SUSD3: variants seen among roughly 807,000 people sequenced by gnomAD.
SUSD3 encodes sushi domain containing 3, also known as sushi domain-containing protein 3.
A neutral mutation model predicts 20.6 loss-of-function variants in SUSD3; 18 were observed. The ratio of observed to expected loss-of-function variants is 0.87; its 90% CI spans 0.60 to 1.30. The LOEUF (loss-of-function observed/expected upper bound fraction) is 1.30. Ranked by LOEUF, SUSD3 falls within the 50% of genes most tolerant of loss-of-function variation. SUSD3 has a pLI of 0.00. For synonymous variants in SUSD3, 137 were observed against 141.5 expected (o/e 0.97, Z 0.23); for missense variants, 306 against 346.9 (o/e 0.88, Z 0.94).
At chr9:93,079,403 G>A in intron 3 of SUSD3, 68 bp from the exon 4 acceptor site, 1 of 1,568,848 alleles carries the variant, frequency 6.4e-7, no homozygotes, top group Non-Finnish European at 8.7e-7. Context: ...CCTACATGGA[G>A]CCTGTTTCCA....
intron 1 of SUSD3, among the ~76,000 whole-genome samples, chr9:93,073,936 G>T (rs1020576280): frequency 4.6e-5 from 7 of 152,178 alleles, no homozygotes; most frequent in Non-Finnish European, 8.8e-5. Context: ...ACTGCAAAAA[G>T]TGTGGTAAGA....
At position 93,084,984 on chromosome 9, in the gene SUSD3, A is replaced by C; in HGVS notation, c.*237A>C. 2.5e-6 allele frequency: 1 copy of C among 400,778 alleles called. No homozygotes were observed. The highest frequency in any genetic ancestry group is 4.4e-6 in the Non-Finnish European group (1 of 227,014). The allele number at this position is 400,778 out of a possible 1,614,324, so 24.8% of individuals were successfully genotyped here. On this transcript the variant is annotated 3_prime_UTR_variant, in exon 5 of 5. Coordinates refer to ENST00000375472, the MANE Select transcript of SUSD3 (RefSeq NM_145006.4). ...GCCGTAACGATTTTTATAGTTATGGACTACTTGAAACCACTACTGAGGGTA... is the reference window on the plus strand; with the variant it reads ...GCCGTAACGATTTTTATAGTTATGGCCTACTTGAAACCACTACTGAGGGTA...
chr9:93,074,431 CAAAA>C (rs56872294), intron 1 of SUSD3, among the ~76,000 whole-genome samples: 2,540 of 38,530 alleles, frequency 0.066, 56 homozygotes, highest in African/African-American at 0.2. Flanking sequence ...GACTCTGACT[CAAAA>C]AAAAAAAAAA....
At chr9:93,078,695 A>G (rs1394011289) in intron 3 of SUSD3, among the ~76,000 whole-genome samples, 3 of 152,192 alleles carry the variant, frequency 2.0e-5, no homozygotes, top group African/African-American at 7.2e-5. Context: ...GGTTAACCAC[A>G]GCCCACCAGC....
At chr9:93,072,282 G>T (rs1013529603) in intron 1 of SUSD3, among the ~76,000 whole-genome samples, 2 of 152,190 alleles carry the variant, frequency 1.3e-5, no homozygotes, top group African/African-American at 4.8e-5. Flanking sequence ...GGCCACCCCT[G>T]CCTCTGCACT....
chr9:93,074,498 G>C (rs1826045790), intron 1 of SUSD3, among the ~76,000 whole-genome samples: 1 of 151,014 alleles, frequency 6.6e-6, no homozygotes, highest in Non-Finnish European at 1.5e-5. Flanking sequence ...TTAATGTCTG[G>C]ATGGCCCTGG....
intron 1 of SUSD3, among the ~76,000 whole-genome samples, chr9:93,065,232 C>T (rs1825661151): frequency 6.6e-6 from 1 of 152,224 alleles, no homozygotes. Flanking sequence ...CACGCACCAG[C>T]TTGATTCCAC....
At chr9:93,075,671 C>T in intron 1 of SUSD3, 113 bp from the exon 2 acceptor site, 1 of 754,792 alleles carries the variant, frequency 1.3e-6, no homozygotes, top group Non-Finnish European at 2.2e-6. Flanking sequence ...CTGCACCCCA[C>T]CCCTGTGCTC....
At chr9:93,081,664 A>G (rs1826419784) in intron 4 of SUSD3, among the ~76,000 whole-genome samples, 2 of 152,324 alleles carry the variant, frequency 1.3e-5, no homozygotes, top group South Asian at 4.1e-4. Flanking sequence ...CAACACCTGC[A>G]GGGAAGGAAT....
rs568254049 is a variant in SUSD3, at chr9:93,065,829, A to T, written c.88+6999A>T. 3.3e-5 allele frequency among the ~76,000 whole-genome samples: 5 copies of T among 152,284 alleles called. No individual in the cohort carries two copies. In the South Asian group the frequency reaches 8.3e-4, roughly 25 times the overall value. ...CATTCATTCACTCATTCCTGCACTG[A>T]TGTCTCCAGATATGGAGCTTGGTAG... On this transcript the variant is annotated intron_variant, in intron 1 of 4. Transcript: ENST00000375472.
intron 3 of SUSD3, among the ~76,000 whole-genome samples, chr9:93,078,704 G>C (rs1309042231): frequency 6.6e-6 from 1 of 152,208 alleles, no homozygotes; most frequent in African/African-American, 2.4e-5. Flanking sequence ...CAGCCCACCA[G>C]CGAAGTCCGG....
intron 4 of SUSD3, among the ~76,000 whole-genome samples, chr9:93,080,338 A>C (rs1564195371): frequency 1.3e-5 from 2 of 150,920 alleles, no homozygotes; most frequent in African/African-American, 2.4e-5. Context: ...AAAAAAAAAA[A>C]AACAAAACTA....
In SUSD3 at chr9:93,077,799, A is replaced by G. The variant is rs767923601; in HGVS notation, c.278-47A>G. Reference sequence around the variant, plus strand: ...AGACCCCCAACCCCTGGGCCAAGCAAATCTGGGCAAACCTCGCCCAGGAGC... The same window carrying G: ...AGACCCCCAACCCCTGGGCCAAGCAGATCTGGGCAAACCTCGCCCAGGAGC... On this transcript the variant is annotated intron_variant, in intron 2 of 4. Coordinates refer to ENST00000375472, the MANE Select transcript of SUSD3 (RefSeq NM_145006.4). 3.1e-6 allele frequency: 5 copies of G among 1,611,182 alleles called. No individual in the cohort carries two copies. In the South Asian group the frequency reaches 5.5e-5, roughly 18 times the overall value.
chr9:93,073,072 C>T (rs1428156590), intron 1 of SUSD3, among the ~76,000 whole-genome samples: 4 of 152,018 alleles, frequency 2.6e-5, no homozygotes, highest in Admixed American at 6.6e-5. Context: ...CCCTCAGACT[C>T]TGCATGCCCC....
chr9:93,063,169 C>T (rs1825573887), intron 1 of SUSD3, among the ~76,000 whole-genome samples: 1 of 152,178 alleles, frequency 6.6e-6, no homozygotes, highest in African/African-American at 2.4e-5. Context: ...TTGAAGGTCC[C>T]CTGTATGCTG....
intron 1 of SUSD3, among the ~76,000 whole-genome samples, chr9:93,062,241 C>A (rs980220195): frequency 6.6e-6 from 1 of 152,220 alleles, no homozygotes; most frequent in African/African-American, 2.4e-5. Context: ...CCCTGAGGTA[C>A]CCATTGGTCC....
At chr9:93,081,699 C>T (rs1035502495) in intron 4 of SUSD3, among the ~76,000 whole-genome samples, 1 of 152,128 alleles carries the variant, frequency 6.6e-6, no homozygotes, top group East Asian at 1.9e-4. Context: ...CCTTTCCTGA[C>T]GCTTCAAGTG....
chr9:93,063,382 A>C (rs148913909), intron 1 of SUSD3, among the ~76,000 whole-genome samples: 6 of 152,252 alleles, frequency 3.9e-5, no homozygotes, highest in Non-Finnish European at 8.8e-5. Context: ...GCAAGTCACC[A>C]GTTTTGCAGA....
chr9:93,066,891 A>G (rs949073457), intron 1 of SUSD3, among the ~76,000 whole-genome samples: 3 of 151,998 alleles, frequency 2.0e-5, no homozygotes, highest in Non-Finnish European at 2.9e-5. Context: ...TATTCTTAGT[A>G]GAGATGGGGT....
Sources: gnomAD v4.1 joint callset for allele counts (sites outside exome capture counted in the v4.1 genomes callset) on GRCh38, gnomAD v4.1.1 for gene constraint, MANE v1.5 for transcripts, NCBI Gene and HGNC (gene_info 2026-07-23, HGNC 2026-07-21) for gene names.